The following NRG4 variants were observed in gnomAD, a reference collection of about 807,000 sequenced individuals.
The protein encoded by NRG4 is pro-neuregulin-4, membrane-bound isoform.
A neutral mutation model predicts 15.0 loss-of-function variants in NRG4; 10 were observed. That is an observed-to-expected ratio of 0.67 (90% CI 0.41 to 1.13). The LOEUF is 1.13. Ranked by LOEUF, NRG4 falls within the 50% of genes most tolerant of loss-of-function variation. The pLI is 0.00. For missense variants in NRG4, 139 were observed against 140.2 expected (o/e 0.99, Z 0.04); for synonymous variants, 41 against 50.1 (o/e 0.82, Z 0.77).
chr15:76,019,379 TG>T (rs1201993495), intron 5 of NRG4, among the ~76,000 whole-genome samples: 2 of 151,910 alleles, frequency 1.3e-5, no homozygotes, highest in Non-Finnish European at 2.9e-5. Context: ...CATTGGGGTA[TG>T]AAAAAAAGCT....
chr15:75,964,584 C>T (rs188229300), intron 3 of NRG4, among the ~76,000 whole-genome samples: 1 of 152,206 alleles, frequency 6.6e-6, no homozygotes, highest in East Asian at 1.9e-4. Flanking sequence ...CTTTTAAAAG[C>T]TATAAACTCA....
intron 3 of NRG4, among the ~76,000 whole-genome samples, chr15:75,990,850 T>C (rs2033986515): frequency 6.6e-6 from 1 of 152,130 alleles, no homozygotes; most frequent in Non-Finnish European, 1.5e-5. Flanking sequence ...GCCTGGCTAA[T>C]TTTTCAAATT....
Position 76,011,280 on chromosome 15 carries a change from A to C in NRG4, c.-50T>G. 1 of 1,389,468 alleles carries C rather than the reference A, an allele frequency of 7.2e-7. No homozygotes were observed. The highest frequency in any genetic ancestry group is 9.4e-7 in the Non-Finnish European group (1 of 1,058,444). 86.1% of individuals were successfully genotyped at this position (1,389,468 alleles called of 1,614,324 possible). A position where few individuals can be genotyped will look rare whatever the true frequency, so the allele number is the denominator to read the frequency against. ...TTGGTCAAGAGAGTAGGGTTGAAAA[A>C]CAGTACCTAAAACGGTTTAAAAAGT... On this transcript the variant is annotated 5_prime_UTR_variant, in exon 2 of 6. Coordinates refer to ENST00000394907, the MANE Select transcript of NRG4 (RefSeq NM_138573.4).
chr15:75,942,984 A>G lies in NRG4; in HGVS notation c.*654T>C, dbSNP rs2031153629. On this transcript the variant is annotated 3_prime_UTR_variant, in exon 6 of 6. Coordinates refer to ENST00000394907, the MANE Select transcript of NRG4 (RefSeq NM_138573.4). ...GGAACTTTGTGACCTGTGTAGTACA[A>G]TAACAATCCTAAATTTCCAGTTACT... The G allele has an allele frequency of 6.6e-6, 1 of 152,226 alleles. No homozygotes were observed. The allele number at this position is 152,226 out of a possible 1,614,324, so 9.4% of individuals were successfully genotyped here.
intron 5 of NRG4, among the ~76,000 whole-genome samples, chr15:76,034,758 G>A (rs2035560452): frequency 6.6e-6 from 1 of 152,072 alleles, no homozygotes; most frequent in African/African-American, 2.4e-5. Context: ...ACTAATCCCT[G>A]CAAAATTCCA....
chr15:76,039,867 G>A (rs2035688284), intron 4 of NRG4, among the ~76,000 whole-genome samples: 1 of 152,098 alleles, frequency 6.6e-6, no homozygotes, highest in Non-Finnish European at 1.5e-5. Flanking sequence ...GGCCAACATG[G>A]CGAAACCCTG....
intron 3 of NRG4, among the ~76,000 whole-genome samples, chr15:75,997,445 A>T (rs758484527): frequency 6.6e-6 from 1 of 152,054 alleles, no homozygotes; most frequent in Non-Finnish European, 1.5e-5. Context: ...GTAGTTTATT[A>T]AATTCTATGA....
chr15:76,006,917 G>C (rs1301798272), intron 3 of NRG4, among the ~76,000 whole-genome samples: 1 of 152,124 alleles, frequency 6.6e-6, no homozygotes, highest in African/African-American at 2.4e-5. Context: ...CAGATAGCTA[G>C]TATACAGATA....
intron 3 of NRG4, 64 bp from the exon 4 acceptor site, chr15:75,962,038 AAC>A: frequency 7.9e-7 from 1 of 1,265,700 alleles, no homozygotes; most frequent in Non-Finnish European, 1.1e-6. Flanking sequence ...TTGGAAGAAA[AAC>A]AGTTTCCAGA....
At chr15:76,008,595 T>C (rs2034693236) in intron 3 of NRG4, among the ~76,000 whole-genome samples, 2 of 152,108 alleles carry the variant, frequency 1.3e-5, no homozygotes, top group Non-Finnish European at 2.9e-5. Flanking sequence ...ACCAAACTCA[T>C]AGGAATCAGG....
chr15:76,033,560 C>T (rs1410106737), intron 5 of NRG4, among the ~76,000 whole-genome samples: 2 of 152,194 alleles, frequency 1.3e-5, no homozygotes, highest in Non-Finnish European at 2.9e-5. Context: ...ACCCAGTTCA[C>T]AGTAGCATAA....
At position 75,961,859 on chromosome 15, in the gene NRG4, G is replaced by T; in HGVS notation, c.220C>A (p.Leu74Ile). 1.2e-6 allele frequency: 2 copies of T among 1,613,638 alleles called. No individual in the cohort carries two copies. The highest frequency in any genetic ancestry group is 1.7e-6 in the Non-Finnish European group (2 of 1,179,610). The change falls in exon 4 of 6, where the codon CTT becomes ATT. Residue 74 changes from leucine (L) to isoleucine (I), a missense_variant. Leu to Ile is a conservative substitution (Grantham distance 5). Transcript: ENST00000394907. Reference sequence around the variant, plus strand: ...AGGAAGTAGAAGGCTCCAATGATAAGTGTTACTAGGACCGCCAATGCCACA... The same window carrying T: ...AGGAAGTAGAAGGCTCCAATGATAATTGTTACTAGGACCGCCAATGCCACA... The part of the protein sequence containing the change: ...AFVALAVLVT[L>I]IIGAFYFLCR...
intron 4 of NRG4, chr15:75,959,076 G>A (rs1395636976): frequency 5.6e-6 from 2 of 357,254 alleles, no homozygotes; most frequent in South Asian, 4.2e-5. Context: ...CTCATTCCTG[G>A]GCTCAAGCGA....
chr15:75,955,331 C>T (rs1489990739), intron 5 of NRG4, among the ~76,000 whole-genome samples: 1 of 152,172 alleles, frequency 6.6e-6, no homozygotes, highest in Non-Finnish European at 1.5e-5. Flanking sequence ...AAATTCTCTC[C>T]AGGCAGTAAT....
chr15:76,007,203 G>A (rs1454927719), intron 3 of NRG4, among the ~76,000 whole-genome samples: 1 of 151,472 alleles, frequency 6.6e-6, no homozygotes, highest in Non-Finnish European at 1.5e-5. Context: ...ACCTGATTTT[G>A]CTCATTATAA....
chr15:75,955,161 GA>G (rs562356927), intron 5 of NRG4, among the ~76,000 whole-genome samples: 5 of 152,254 alleles, frequency 3.3e-5, no homozygotes, highest in Non-Finnish European at 5.9e-5. Flanking sequence ...TACTTGAACT[GA>G]AAATCTCTGG....
rs964230479 is a variant in NRG4, at chr15:76,052,076, C to T, written c.-114G>A. On this transcript the variant is annotated 5_prime_UTR_variant, in exon 4 of 9. Coordinates refer to the NRG4 transcript ENST00000563910. ...AAGAATGAATACTTACCTGATCTGT[C>T]CTTGGATGAAAATTTTTCCTCTAAA... 16 of 150,954 alleles carry T rather than the reference C, an allele frequency of 1.1e-4. 2 individuals carry two copies. Among genetic ancestry groups the T allele is most frequent in the African/African-American group, 3.9e-4 (16 of 40,544 alleles). The allele number at this position is 150,954 out of a possible 1,614,324, so 9.4% of individuals were successfully genotyped here. A position where few individuals can be genotyped will look rare whatever the true frequency, so the allele number is the denominator to read the frequency against.
chr15:75,950,716 C>T lies in NRG4; in HGVS notation c.331+5216G>A, dbSNP rs140081777. 3.7e-3 allele frequency: 585 copies of T among 157,102 alleles called. 3 individuals are homozygous for T. Among genetic ancestry groups the T allele is most frequent in the African/African-American group, 0.013 (543 of 41,634 alleles). 9.7% of individuals were successfully genotyped at this position (157,102 alleles called of 1,614,324 possible). A position where few individuals can be genotyped will look rare whatever the true frequency, so the allele number is the denominator to read the frequency against. ...TCCAAGAGTTCAGTATCAAACACGGCTTCTCAACTTAAGAAATGCTTAATT... is the reference window on the plus strand; with the variant it reads ...TCCAAGAGTTCAGTATCAAACACGGTTTCTCAACTTAAGAAATGCTTAATT... On this transcript the variant is annotated intron_variant, in intron 5 of 5. Coordinates refer to ENST00000394907, the MANE Select transcript of NRG4 (RefSeq NM_138573.4).
chr15:75,993,923 T>A (rs533433909), intron 3 of NRG4, among the ~76,000 whole-genome samples: 1 of 152,330 alleles, frequency 6.6e-6, no homozygotes, highest in African/African-American at 2.4e-5. Flanking sequence ...TTCTGTTATA[T>A]CCTTGAGAAT....
Sources: gnomAD v4.1 joint callset for allele counts (sites outside exome capture counted in the v4.1 genomes callset) on GRCh38, gnomAD v4.1.1 for gene constraint, MANE v1.5 for transcripts, NCBI Gene and HGNC (gene_info 2026-07-23, HGNC 2026-07-21) for gene names.